The following SNX6 variants were observed in gnomAD, a reference collection of about 807,000 sequenced individuals.
The protein encoded by SNX6 is sorting nexin 6.
Under a neutral mutation model 63.0 loss-of-function variants are expected in SNX6, and 34 were observed. The observed-to-expected ratio is 0.54, with a 90% CI of 0.41 to 0.72. The LOEUF is 0.72. Ranked by LOEUF, SNX6 falls within the 30% of genes least tolerant of loss-of-function variation. SNX6 has a pLI of 0.00. For synonymous variants in SNX6, 170 were observed against 164.2 expected (o/e 1.04, Z -0.27); for missense variants, 398 against 471.4 (o/e 0.84, Z 1.44).
At chr14:34,618,329 C>T (rs991991186) in intron 2 of SNX6, among the ~76,000 whole-genome samples, 1 of 150,954 alleles carries the variant, frequency 6.6e-6, no homozygotes, top group Admixed American at 6.6e-5. Context: ...TCCTCTGGCT[C>T]ACTATAGTCC....
chr14:34,601,968 T>C (rs1303202605), intron 6 of SNX6, among the ~76,000 whole-genome samples: 1 of 152,052 alleles, frequency 6.6e-6, no homozygotes, highest in Non-Finnish European at 1.5e-5. Flanking sequence ...ACTGCATTAC[T>C]ACTGAAAAAG....
rs891830587 is a variant in SNX6, at chr14:34,562,680, A to G, written c.*442T>C. ...TTTACCAGGATACATGAATGAACTA[A>G]GGTGGTATATGCTTTTAAAAACAAA... On this transcript the variant is annotated 3_prime_UTR_variant, in exon 14 of 14. Coordinates refer to ENST00000362031, the MANE Select transcript of SNX6 (RefSeq NM_152233.4). 1 of 154,522 alleles carries G rather than the reference A, an allele frequency of 6.5e-6. No individual in the cohort carries two copies. Among genetic ancestry groups the G allele is most frequent in the Non-Finnish European group, 1.4e-5 (1 of 69,464 alleles). The allele number at this position is 154,522 out of a possible 1,614,324, so 9.6% of individuals were successfully genotyped here.
chr14:34,583,850 C>CT (rs67586044), intron 9 of SNX6, among the ~76,000 whole-genome samples: 63,282 of 142,644 alleles, frequency 0.44, 14,587 homozygotes, highest in African/African-American at 0.51. Context: ...GGGAAGGTGG[C>CT]TTTTTTTTTT....
intron 13 of SNX6, among the ~76,000 whole-genome samples, chr14:34,563,877 T>C (rs2138250536): frequency 6.6e-6 from 1 of 152,316 alleles, no homozygotes; most frequent in South Asian, 2.1e-4. Flanking sequence ...TAGCTGGGAT[T>C]ACAGGTGTCT....
chr14:34,568,233 A>T (rs1881280250), intron 11 of SNX6, among the ~76,000 whole-genome samples: 3 of 138,264 alleles, frequency 2.2e-5, no homozygotes, highest in Non-Finnish European at 4.7e-5. Flanking sequence ...CAACCTCTGA[A>T]TTTTTTTTTT....
chr14:34,613,311 G>T (rs1594744821), intron 2 of SNX6, among the ~76,000 whole-genome samples: 2 of 152,210 alleles, frequency 1.3e-5, no homozygotes, highest in East Asian at 3.8e-4. Flanking sequence ...AACTGTGAGA[G>T]AATAAATTTA....
chr14:34,568,565 G>A, intron 11 of SNX6: 1 of 560,032 alleles, frequency 1.8e-6, no homozygotes, highest in Non-Finnish European at 3.2e-6. Context: ...CAAACTCCTG[G>A]CCTCAAAGTG....
At chr14:34,590,120 A>T (rs1882332475) in intron 8 of SNX6, among the ~76,000 whole-genome samples, 1 of 151,808 alleles carries the variant, frequency 6.6e-6, no homozygotes, top group African/African-American at 2.4e-5. Context: ...CAACAACAAA[A>T]AACAACAACA....
chr14:34,596,285 ATAAG>A (rs1361970522), intron 7 of SNX6, among the ~76,000 whole-genome samples: 1 of 151,990 alleles, frequency 6.6e-6, no homozygotes, highest in South Asian at 2.1e-4. Flanking sequence ...AATCTTTTTA[ATAAG>A]TAAGTAAGGT....
chr14:34,582,074 G>A (rs962932047), intron 9 of SNX6, among the ~76,000 whole-genome samples: 5 of 151,038 alleles, frequency 3.3e-5, no homozygotes, highest in African/African-American at 4.9e-5. Context: ...TGATCCGCCC[G>A]CCTCGGCCTC....
intron 2 of SNX6, among the ~76,000 whole-genome samples, chr14:34,616,200 T>A (rs1883414040): frequency 6.7e-6 from 1 of 148,462 alleles, no homozygotes. Context: ...ATGATCCACC[T>A]GCTTCAGCCT....
intron 10 of SNX6, among the ~76,000 whole-genome samples, chr14:34,578,669 G>A (rs371202772): frequency 1.2e-4 from 17 of 146,964 alleles, no homozygotes; most frequent in Middle Eastern, 8.1e-3. Context: ...GGCCAGGTGC[G>A]GTGGCTCATG....
intron 11 of SNX6, 132 bp from the exon 12 acceptor site, chr14:34,568,145 T>TG: frequency 4.9e-6 from 1 of 202,972 alleles, no homozygotes; most frequent in East Asian, 1.3e-4. Context: ...GTTACTCCAA[T>TG]TTTTTTTTTT....
intron 9 of SNX6, 24 bp from the exon 10 acceptor site, chr14:34,581,624 A>C (rs1263326265): frequency 7.2e-7 from 1 of 1,389,924 alleles, no homozygotes; most frequent in Non-Finnish European, 1.0e-6. Context: ...TATTTTCATC[A>C]TATTCTACAT....
chr14:34,575,704 T>G, intron 11 of SNX6, 52 bp downstream of exon 11: 1 of 959,164 alleles, frequency 1.0e-6, no homozygotes, highest in Non-Finnish European at 1.6e-6. Context: ...TCTAACAAAC[T>G]CAAGAAATGG....
At chr14:34,607,876 C>CA (rs1356552243) in intron 4 of SNX6, among the ~76,000 whole-genome samples, 154 bp downstream of exon 4, 1 of 152,122 alleles carries the variant, frequency 6.6e-6, no homozygotes, top group Admixed American at 6.6e-5. Flanking sequence ...TCACTACACT[C>CA]CAGCCTGGGC....
intron 8 of SNX6, among the ~76,000 whole-genome samples, chr14:34,587,885 A>G (rs12886603): frequency 6.9e-6 from 1 of 145,686 alleles, no homozygotes; most frequent in Non-Finnish European, 1.5e-5. Context: ...GTCTTGGCTC[A>G]CTGCAACCTC....
intron 5 of SNX6, chr14:34,604,384 T>C: frequency 1.1e-6 from 1 of 896,296 alleles, no homozygotes; most frequent in South Asian, 2.3e-5. Flanking sequence ...AATATATATC[T>C]GTCTGCTATC....
intron 10 of SNX6, among the ~76,000 whole-genome samples, chr14:34,579,825 CAA>C (rs557462263): frequency 9.6e-5 from 11 of 114,150 alleles, no homozygotes; most frequent in Non-Finnish European, 5.6e-5. Context: ...CTGTCTCTAC[CAA>C]AAAAAAAAAA....
Sources: gnomAD v4.1 joint callset for allele counts (sites outside exome capture counted in the v4.1 genomes callset) on GRCh38, gnomAD v4.1.1 for gene constraint, MANE v1.5 for transcripts, NCBI Gene and HGNC (gene_info 2026-07-23, HGNC 2026-07-21) for gene names.